Variants in NCAPD2 observed in about 807,000 individuals in gnomAD.
NCAPD2 encodes the protein non-SMC condensin I complex subunit D2, also known as condensin complex subunit 1.
Under a neutral mutation model 164.5 loss-of-function variants are expected in NCAPD2, and 100 were observed. The observed-to-expected ratio is 0.61, with a 90% CI of 0.52 to 0.72. The LOEUF (loss-of-function observed/expected upper bound fraction) is 0.72, where lower values mean the gene tolerates loss of function less well. NCAPD2 is among the 30% of genes least tolerant of loss of function. The pLI is 0.00. For missense variants in NCAPD2, 1,560 were observed against 1,749.2 expected (o/e 0.89, Z 1.93); for synonymous variants, 585 against 642.6 (o/e 0.91, Z 1.36).
intron 2 of NCAPD2, among the ~76,000 whole-genome samples, chr12:6,501,227 A>ATTTTTTT (rs71067121): frequency 4.3e-5 from 3 of 69,214 alleles, no homozygotes; most frequent in Non-Finnish European, 7.3e-5. Flanking sequence ...CGCCTGGCTA[A>ATTTTTTT]TTTTTTTTTT....
chr12:6,505,495 A>G (rs566436572), intron 2 of NCAPD2, among the ~76,000 whole-genome samples: 15 of 152,294 alleles, frequency 9.8e-5, no homozygotes, highest in African/African-American at 3.6e-4. Flanking sequence ...TGAAATTATT[A>G]CAGTACTACA....
rs748231558 is a variant in NCAPD2, at chr12:6,517,034, C to G, written c.1185+9C>G. The G allele has an allele frequency of 1.9e-6, 3 of 1,614,068 alleles. No homozygotes were observed. The highest frequency in any genetic ancestry group is 2.5e-6 in the Non-Finnish European group (3 of 1,179,912). On this transcript the variant is annotated intron_variant, in intron 10 of 31. Coordinates refer to ENST00000315579, the MANE Select transcript of NCAPD2 (RefSeq NM_014865.4). ...GAATTGTCCAGCAGAAGGTAACCAA[C>G]TTCTATGTGGCAAAAACATATGGTA...
Position 6,527,906 on chromosome 12 carries a change from A to T in NCAPD2, c.3019+18A>T. 6.2e-7 allele frequency: 1 copy of T among 1,613,892 alleles called. No homozygotes were observed. On this transcript the variant is annotated intron_variant, in intron 23 of 31. Coordinates refer to ENST00000315579, the MANE Select transcript of NCAPD2 (RefSeq NM_014865.4). ...GTTGGATGGTAAGAAAAATGGCTGC[A>T]CTCAGCAGTTTCTTCCCAATTAAGA...
Position 6,495,088 on chromosome 12 carries a change from G to A in NCAPD2, c.-11G>A. 2 of 1,614,060 alleles carry A rather than the reference G, an allele frequency of 1.2e-6. No individual in the cohort carries two copies. The highest frequency in any genetic ancestry group is 1.7e-6 in the Non-Finnish European group (2 of 1,179,952). ...GTTTGGTTTCTAGCCCTGTGAGCCTGTAGGAGTAGAATGGCTCCCCAAATG... is the reference window on the plus strand; with the variant it reads ...GTTTGGTTTCTAGCCCTGTGAGCCTATAGGAGTAGAATGGCTCCCCAAATG... On this transcript the variant is annotated 5_prime_UTR_variant, in exon 2 of 32. Coordinates refer to ENST00000315579, the MANE Select transcript of NCAPD2 (RefSeq NM_014865.4).
At chr12:6,507,044 A>G (rs922322804) in intron 2 of NCAPD2, among the ~76,000 whole-genome samples, 29 of 152,260 alleles carry the variant, frequency 1.9e-4, no homozygotes, top group Non-Finnish European at 2.4e-4. Flanking sequence ...TGGCTTCTAC[A>G]TACCATTATT....
At position 6,530,964 on chromosome 12, in the gene NCAPD2, C is replaced by T; in HGVS notation, c.4008C>T (p.Asp1336=). ...QPLASTASDN[D]FVTPEPRRTT... ...TGGCTTCTACAGCCTCAGACAATGA[C>T]TTTGTCACACCAGAGCCCCGCCGTA... Residue 1336 remains aspartate, a synonymous_variant, in exon 31 of 32, where the codon GAC becomes GAT. Transcript: ENST00000315579. 1.2e-6 allele frequency: 2 copies of T among 1,614,214 alleles called. No individual in the cohort carries two copies. Among genetic ancestry groups the T allele is most frequent in the Non-Finnish European group, 1.7e-6 (2 of 1,180,044 alleles).
intron 2 of NCAPD2, among the ~76,000 whole-genome samples, chr12:6,504,194 T>TAC: frequency 3.0e-5 from 1 of 33,572 alleles, no homozygotes; most frequent in African/African-American, 3.1e-4. Context: ...TATATATATA[T>TAC]ATATATATAT....
chr12:6,521,485 C>T (rs1469917349), intron 14 of NCAPD2, among the ~76,000 whole-genome samples: 2 of 152,148 alleles, frequency 1.3e-5, no homozygotes, highest in Non-Finnish European at 2.9e-5. Context: ...AGTTGAAAAT[C>T]AGCCTGAGCA....
intron 2 of NCAPD2, among the ~76,000 whole-genome samples, chr12:6,504,212 T>TATATATAG (rs1946075081): frequency 3.7e-4 from 8 of 21,726 alleles, no homozygotes; most frequent in East Asian, 1.4e-3. Context: ...TATATATATA[T>TATATATAG]ATATAGATAT....
Position 6,530,650 on chromosome 12 carries a change from C to G in NCAPD2, c.3838-41C>G. On this transcript the variant is annotated intron_variant, in intron 29 of 31. Coordinates refer to ENST00000315579, the MANE Select transcript of NCAPD2 (RefSeq NM_014865.4). ...CTTGTTTCTTTTTAATCAGAAGTAA[C>G]TGTTTTCAGGCCTGCTCTGAATCTC... The G allele has an allele frequency of 1.9e-6, 3 of 1,608,764 alleles. No individual in the cohort carries two copies. In the South Asian group the frequency reaches 3.3e-5, roughly 18 times the overall value.
At chr12:6,525,813 A>G (rs930372947) in intron 18 of NCAPD2, 97 bp downstream of exon 18, 20 of 1,505,338 alleles carry the variant, frequency 1.3e-5, no homozygotes, top group South Asian at 2.4e-5. Flanking sequence ...GTGAGGCCCA[A>G]CTGAGCTCTG....
intron 2 of NCAPD2, among the ~76,000 whole-genome samples, chr12:6,501,227 ATTTTTTTTTTTTTTTTTTT>A (rs71067121): frequency 2.9e-5 from 2 of 69,174 alleles, no homozygotes; most frequent in Non-Finnish European, 4.9e-5. Context: ...CGCCTGGCTA[ATTTTTTTTTTTTTTTTTTT>A]TTTTTTTTTT....
At chr12:6,501,855 CAAAA>C (rs1478725859) in intron 2 of NCAPD2, among the ~76,000 whole-genome samples, 1 of 152,110 alleles carries the variant, frequency 6.6e-6, no homozygotes, top group Non-Finnish European at 1.5e-5. Flanking sequence ...GTTTCAAAAA[CAAAA>C]GAGAGGTCAA....
intron 2 of NCAPD2, among the ~76,000 whole-genome samples, chr12:6,507,390 GAACATTCA>G (rs1946108116): frequency 6.6e-6 from 1 of 152,212 alleles, no homozygotes; most frequent in South Asian, 2.1e-4. Context: ...TAAGGAAAAT[GAACATTCA>G]AACAAAGGAT....
chr12:6,504,401 T>G (rs928546854), intron 2 of NCAPD2, among the ~76,000 whole-genome samples: 1 of 151,490 alleles, frequency 6.6e-6, no homozygotes, highest in African/African-American at 2.4e-5. Context: ...TATTTTGTTT[T>G]GTTTTGTTTT....
chr12:6,527,663 A>G lies in NCAPD2; in HGVS notation c.2908-114A>G, dbSNP rs1339666334. 11 of 886,662 alleles carry G rather than the reference A, an allele frequency of 1.2e-5. No individual in the cohort carries two copies. In the Admixed American group the frequency reaches 1.3e-4, roughly 11 times the overall value. 54.9% of individuals were successfully genotyped at this position (886,662 alleles called of 1,614,324 possible). A position where few individuals can be genotyped will look rare whatever the true frequency, so the allele number is the denominator to read the frequency against. On this transcript the variant is annotated intron_variant, in intron 22 of 31. Transcript: ENST00000315579. Reference sequence around the variant, plus strand: ...TTACAGACACATTTGACAATTCTCTAAATGTTTTTGTAGAATTTGCCCTTC... The same window carrying G: ...TTACAGACACATTTGACAATTCTCTGAATGTTTTTGTAGAATTTGCCCTTC...
intron 13 of NCAPD2, 75 bp downstream of exon 13, chr12:6,518,034 G>A: frequency 6.9e-7 from 1 of 1,441,844 alleles, no homozygotes; most frequent in Non-Finnish European, 9.5e-7. Flanking sequence ...TACATAATGT[G>A]TCTTTTAAAT....
intron 2 of NCAPD2, among the ~76,000 whole-genome samples, chr12:6,504,187 A>ATC (rs1370105082): frequency 4.0e-5 from 1 of 25,306 alleles, no homozygotes; most frequent in East Asian, 1.2e-3. Flanking sequence ...ATATACATAT[A>ATC]TATATATATA....
rs1404040463 is a variant in NCAPD2 at position 6,495,110 on chromosome 12, A to G, written c.12A>G (p.Gln4=). The change falls in exon 2 of 32, where the codon CAA becomes CAG. Residue 4 remains glutamine, a synonymous_variant. Transcript: ENST00000315579. The part of the protein sequence containing the change: MAP[Q]MYEFHLPLSP... ...CCTGTAGGAGTAGAATGGCTCCCCA[A>G]ATGTATGAGTTCCATCTGCCATTAT... The G allele has an allele frequency of 3.7e-6, 6 of 1,614,110 alleles. No individual in the cohort carries two copies. Among genetic ancestry groups the G allele is most frequent in the Non-Finnish European group, 5.1e-6 (6 of 1,180,004 alleles).
Sources: allele counts gnomAD v4.1 joint callset (sites outside exome capture counted in the v4.1 genomes callset), GRCh38; gene constraint gnomAD v4.1.1; transcripts MANE v1.5; gene names NCBI Gene and HGNC (gene_info 2026-07-23, HGNC 2026-07-21).